Variants in RPRD1B observed in about 807,000 individuals in gnomAD.
The protein encoded by RPRD1B is regulation of nuclear pre-mRNA domain-containing protein 1B.
A neutral mutation model predicts 41.5 loss-of-function variants in RPRD1B; 11 were observed. The observed-to-expected ratio is 0.27, with a 90% CI of 0.17 to 0.44. The LOEUF (loss-of-function observed/expected upper bound fraction) is 0.44. Among genes scored for constraint, RPRD1B ranks in the 20% least tolerant of loss-of-function variants. RPRD1B has a pLI of 1.00. For missense variants in RPRD1B, 248 were observed against 389.9 expected (o/e 0.64, Z 3.06); for synonymous variants, 158 against 155.6 (o/e 1.02, Z -0.12).
At chr20:38,046,923 C>G (rs2074126959) in intron 2 of RPRD1B, among the ~76,000 whole-genome samples, 1 of 152,128 alleles carries the variant, frequency 6.6e-6, no homozygotes, top group South Asian at 2.1e-4. Context: ...TGCCTTAGTA[C>G]AGCAGCTAAA....
rs568580759 is a variant in RPRD1B, at chr20:38,090,246, C to T, written c.*371C>T. ...CTTGTCCCTCATGACAGCATTTTAT[C>T]ATGAAAGCAGCTTCTCCTTTCTGGG... On this transcript the variant is annotated 3_prime_UTR_variant, in exon 7 of 7. Coordinates refer to ENST00000373433, the MANE Select transcript of RPRD1B (RefSeq NM_021215.4). The T allele has an allele frequency of 1.0e-6, 1 of 994,054 alleles. No individual in the cohort carries two copies. Among genetic ancestry groups the T allele is most frequent in the Non-Finnish European group, 1.2e-6 (1 of 835,258 alleles). 61.6% of individuals were successfully genotyped at this position (994,054 alleles called of 1,614,324 possible).
chr20:38,040,881 ACAAAG>A (rs2074059341), intron 2 of RPRD1B, among the ~76,000 whole-genome samples: 1 of 152,246 alleles, frequency 6.6e-6, no homozygotes, highest in Non-Finnish European at 1.5e-5. Flanking sequence ...TGATCAAAAA[ACAAAG>A]CTAACTAGTA....
chr20:38,033,962 T>C lies in RPRD1B; in HGVS notation c.15T>C (p.Ser5=). ...CTGCCGCCACCATGTCCTCCTTCTC[T>C]GAGTCGGCGCTGGAGAAGAAGCTCT... is the stretch of plus-strand genomic sequence containing the variant. The part of the protein sequence containing the change: MSSF[S]ESALEKKLSE... The change falls in exon 1 of 7, where the codon TCT becomes TCC. Residue 5 remains serine (S), a synonymous_variant. Transcript: ENST00000373433. 1 of 1,612,030 alleles carries C rather than the reference T, an allele frequency of 6.2e-7. No individual in the cohort carries two copies.
Position 38,090,374 on chromosome 20 carries a change from T to G in RPRD1B, c.*499T>G. ...CCCCAAAAGGTTGTAGGCACAGCTGTCGTAGCGTTGCCATAAAGAGTTTGC... is the reference window on the plus strand; with the variant it reads ...CCCCAAAAGGTTGTAGGCACAGCTGGCGTAGCGTTGCCATAAAGAGTTTGC... On this transcript the variant is annotated 3_prime_UTR_variant, in exon 7 of 7. Transcript: ENST00000373433. 2 of 986,254 alleles carry G rather than the reference T, an allele frequency of 2.0e-6. No homozygotes were observed. Among genetic ancestry groups the G allele is most frequent in the Non-Finnish European group, 2.4e-6 (2 of 830,228 alleles). The allele number at this position is 986,254 out of a possible 1,614,324, so 61.1% of individuals were successfully genotyped here. A position where few individuals can be genotyped will look rare whatever the true frequency, so the allele number is the denominator to read the frequency against.
intron 6 of RPRD1B, among the ~76,000 whole-genome samples, chr20:38,067,188 A>C (rs549412131): frequency 6.6e-6 from 1 of 152,206 alleles, no homozygotes; most frequent in African/African-American, 2.4e-5. Flanking sequence ...AATTAAGTAC[A>C]TGGTAGTTTA....
At chr20:38,083,387 G>A (rs2074532028) in intron 6 of RPRD1B, among the ~76,000 whole-genome samples, 1 of 152,202 alleles carries the variant, frequency 6.6e-6, no homozygotes, top group Non-Finnish European at 1.5e-5. Context: ...TTAGCTTTAT[G>A]ATTATATTAA....
chr20:38,076,129 G>A (rs926619551), intron 6 of RPRD1B, among the ~76,000 whole-genome samples: 3 of 152,298 alleles, frequency 2.0e-5, no homozygotes, highest in Middle Eastern at 3.4e-3. Context: ...TGCTCACAGT[G>A]TGTCTGTTCT....
chr20:38,090,340 C>T lies in RPRD1B; in HGVS notation c.*465C>T. On this transcript the variant is annotated 3_prime_UTR_variant, in exon 7 of 7. Transcript: ENST00000373433. Reference sequence around the variant, plus strand: ...GTCCTGGAGACGTTGGCTTTCCCAGCTGCATCTGCCCCAAAAGGTTGTAGG... The same window carrying T: ...GTCCTGGAGACGTTGGCTTTCCCAGTTGCATCTGCCCCAAAAGGTTGTAGG... The T allele has an allele frequency of 2.0e-6, 2 of 986,694 alleles. No individual in the cohort carries two copies. The highest frequency in any genetic ancestry group is 2.4e-6 in the Non-Finnish European group (2 of 830,548). The allele number at this position is 986,694 out of a possible 1,614,324, so 61.1% of individuals were successfully genotyped here.
chr20:38,033,871 C>T lies in RPRD1B; in HGVS notation c.-77C>T. ...AGTCCCGCAGCCTGTCAGGTGAGGC[C>T]CCGGCCTCGTGCCGTCGCTCTTCCC... On this transcript the variant is annotated 5_prime_UTR_variant, in exon 1 of 7. Coordinates refer to ENST00000373433, the MANE Select transcript of RPRD1B (RefSeq NM_021215.4). The T allele has an allele frequency of 6.9e-7, 1 of 1,440,474 alleles. No individual in the cohort carries two copies. The highest frequency in any genetic ancestry group is 9.3e-7 in the Non-Finnish European group (1 of 1,072,210). 89.2% of individuals were successfully genotyped at this position (1,440,474 alleles called of 1,614,324 possible). A position where few individuals can be genotyped will look rare whatever the true frequency, so the allele number is the denominator to read the frequency against.
At chr20:38,048,325 A>G (rs1428563274) in intron 2 of RPRD1B, 23 bp from the exon 3 acceptor site, 1 of 1,604,776 alleles carries the variant, frequency 6.2e-7, no homozygotes, top group Non-Finnish European at 8.5e-7. Flanking sequence ...GCTTATATAT[A>G]TCTTTTCATC....
intron 3 of RPRD1B, among the ~76,000 whole-genome samples, chr20:38,054,314 G>T (rs1402675275): frequency 1.3e-5 from 2 of 152,116 alleles, no homozygotes; most frequent in African/African-American, 4.8e-5. Context: ...AGCACCAGTA[G>T]GTCCTCCAAA....
chr20:38,081,355 T>C (rs1008612188), intron 6 of RPRD1B, among the ~76,000 whole-genome samples: 3 of 152,218 alleles, frequency 2.0e-5, no homozygotes, highest in Non-Finnish European at 4.4e-5. Context: ...GGCTGTCAGC[T>C]TGGACATTAT....
intron 3 of RPRD1B, among the ~76,000 whole-genome samples, chr20:38,051,172 G>A (rs2074181269): frequency 6.6e-6 from 1 of 152,166 alleles, no homozygotes; most frequent in African/African-American, 2.4e-5. Flanking sequence ...CTCTCAAGGT[G>A]TTCTAAAGGT....
At chr20:38,043,460 A>G (rs1487717682) in intron 2 of RPRD1B, among the ~76,000 whole-genome samples, 2 of 152,154 alleles carry the variant, frequency 1.3e-5, no homozygotes, top group Non-Finnish European at 2.9e-5. Context: ...AACCAGGGGA[A>G]TGATATATTC....
At chr20:38,045,528 C>T (rs931931212) in intron 2 of RPRD1B, among the ~76,000 whole-genome samples, 1 of 152,148 alleles carries the variant, frequency 6.6e-6, no homozygotes, top group South Asian at 2.1e-4. Context: ...TAAACTAGAA[C>T]CCCCCTTTTG....
At chr20:38,057,411 A>G in intron 3 of RPRD1B, 121 bp from the exon 4 acceptor site, 1 of 669,608 alleles carries the variant, frequency 1.5e-6, no homozygotes. Flanking sequence ...GGTTACTATT[A>G]AGCCATTCTG....
At chr20:38,036,734 G>A (rs62203564) in intron 1 of RPRD1B, among the ~76,000 whole-genome samples, 27,517 of 152,166 alleles carry the variant, frequency 0.18, 2,905 homozygotes, top group Middle Eastern at 0.34. Context: ...TGTGATAATA[G>A]CAATGTTTTC....
chr20:38,040,686 G>T, intron 2 of RPRD1B, 122 bp downstream of exon 2: 1 of 1,041,830 alleles, frequency 9.6e-7, no homozygotes, highest in Non-Finnish European at 1.4e-6. Flanking sequence ...GAGTTGTGGA[G>T]GCCGAATTGT....
chr20:38,047,983 C>G (rs1020527721), intron 2 of RPRD1B, among the ~76,000 whole-genome samples: 1 of 152,158 alleles, frequency 6.6e-6, no homozygotes, highest in Non-Finnish European at 1.5e-5. Flanking sequence ...ATTTTTCTAT[C>G]TTTAAGAGTT....
Sources: gnomAD v4.1 joint callset for allele counts (sites outside exome capture counted in the v4.1 genomes callset) on GRCh38, gnomAD v4.1.1 for gene constraint, MANE v1.5 for transcripts, NCBI Gene and HGNC (gene_info 2026-07-23, HGNC 2026-07-21) for gene names.